TTC3: variants seen among roughly 807,000 people sequenced by gnomAD.
TTC3 encodes the protein tetratricopeptide repeat domain 3.
TTC3 carries 180 observed loss-of-function variants against 249.6 expected under a neutral mutation model. That is an observed-to-expected ratio of 0.72 (90% CI 0.64 to 0.82). The LOEUF (loss-of-function observed/expected upper bound fraction) is 0.82, where lower values mean the gene tolerates loss of function less well. Among genes scored for constraint, TTC3 ranks in the 40% least tolerant of loss-of-function variants. TTC3 has a pLI of 0.00. For synonymous variants in TTC3, 717 were observed against 805.0 expected (o/e 0.89, Z 1.85); for missense variants, 2,061 against 2,398.4 (o/e 0.86, Z 2.94).
intron 19 of TTC3, 111 bp from the exon 20 acceptor site, chr21:37,140,450 G>A (rs186455481): frequency 2.3e-4 from 155 of 672,496 alleles, no homozygotes; most frequent in Non-Finnish European, 1.4e-4. Flanking sequence ...CAGGAATTTG[G>A]GGATATGCAG....
chr21:37,124,798 A>G, intron 14 of TTC3, 56 bp downstream of exon 14: 1 of 1,588,386 alleles, frequency 6.3e-7, no homozygotes, highest in Non-Finnish European at 8.6e-7. Flanking sequence ...TCATATTTTT[A>G]CAGTAATATT....
At chr21:37,142,449 C>T (rs1045830909) in intron 20 of TTC3, among the ~76,000 whole-genome samples, 12 of 152,156 alleles carry the variant, frequency 7.9e-5, no homozygotes, top group African/African-American at 2.9e-4. Context: ...CATTCTTATA[C>T]ACCAGTAACA....
chr21:37,106,101 C>T (rs913379416), intron 10 of TTC3, among the ~76,000 whole-genome samples: 2 of 152,106 alleles, frequency 1.3e-5, no homozygotes, highest in Non-Finnish European at 2.9e-5. Flanking sequence ...TTATTTTAGA[C>T]ATTCTGGTGG....
exon 42 of TTC3, chr21:37,195,689 A>T (rs773163197): frequency 1.2e-5 from 19 of 1,609,556 alleles, no homozygotes; most frequent in Non-Finnish European, 1.6e-5. Flanking sequence ...ATCCCGAGTT[A>T]CTCCCTGAGT....
intron 16 of TTC3, among the ~76,000 whole-genome samples, chr21:37,131,542 A>G (rs2077469975): frequency 6.6e-6 from 1 of 152,048 alleles, no homozygotes; most frequent in Admixed American, 6.6e-5. Flanking sequence ...TTTATAATAA[A>G]TTGGTAATAG....
chr21:37,197,744 T>C (rs773706480), intron 43 of TTC3, 48 bp downstream of exon 43: 9 of 1,487,198 alleles, frequency 6.1e-6, no homozygotes, highest in African/African-American at 5.1e-5. Flanking sequence ...TTATAAAATA[T>C]GAGAATTGTT....
Position 37,093,593 on chromosome 21 carries a change from A to G in TTC3, c.602-412A>G, listed in dbSNP as rs74727537. On this transcript the variant is annotated intron_variant, in intron 7 of 45. Transcript: ENST00000355666. ...GTTTTGCAGGTTTTTGTTTTCATGC[A>G]TTTTTATTGAATATTGTGCATGGTA... 4.3e-4 allele frequency among the ~76,000 whole-genome samples: 66 copies of G among 152,172 alleles called. No homozygotes were observed. In the East Asian group the frequency reaches 0.011, roughly 26 times the overall value.
chr21:37,134,076 G>C (rs1230514106), intron 17 of TTC3, among the ~76,000 whole-genome samples: 1 of 152,024 alleles, frequency 6.6e-6, no homozygotes, highest in Non-Finnish European at 1.5e-5. Flanking sequence ...GGCTGTCATC[G>C]AGCTTTTAAG....
intron 11 of TTC3, among the ~76,000 whole-genome samples, chr21:37,109,068 A>G (rs760505095): frequency 6.6e-6 from 1 of 152,128 alleles, no homozygotes; most frequent in African/African-American, 2.4e-5. Context: ...ATAAGAAACT[A>G]TTTCGGTAGG....
chr21:37,174,417 C>T (rs1373195127), intron 35 of TTC3, among the ~76,000 whole-genome samples: 1 of 152,144 alleles, frequency 6.6e-6, no homozygotes, highest in African/African-American at 2.4e-5. Context: ...GGTTGGTGTC[C>T]ACATAAGAGT....
At chr21:37,087,918 A>C in intron 3 of TTC3, 43 bp downstream of exon 3, 1 of 1,453,532 alleles carries the variant, frequency 6.9e-7, no homozygotes, top group South Asian at 1.2e-5. Flanking sequence ...TGGAAAGACT[A>C]CAAAGGGAGG....
chr21:37,088,165 A>C (rs760635625), intron 3 of TTC3, 31 bp from the exon 4 acceptor site: 3 of 1,497,848 alleles, frequency 2.0e-6, no homozygotes, highest in Non-Finnish European at 2.7e-6. Flanking sequence ...TGAGGCACAA[A>C]CATTAATTTT....
rs576379636 is a variant in TTC3 at position 37,106,900 on chromosome 21, A to C, written c.846-1492A>C. Among the ~76,000 whole-genome samples, 3 of 152,282 alleles carry C rather than the reference A, an allele frequency of 2.0e-5. No individual in the cohort carries two copies. In the Middle Eastern group the frequency reaches 0.01, roughly 518 times the overall value. Reference sequence around the variant, plus strand: ...CAGAGTGAGCCCTTGTTTCAAAAAAAAGAAAAAAGATCCATATGGATGTCC... The same window carrying C: ...CAGAGTGAGCCCTTGTTTCAAAAAACAGAAAAAAGATCCATATGGATGTCC... On this transcript the variant is annotated intron_variant, in intron 10 of 45. Transcript: ENST00000355666.
At chr21:37,190,768 A>G (rs930673852) in intron 39 of TTC3, among the ~76,000 whole-genome samples, 4 of 152,206 alleles carry the variant, frequency 2.6e-5, no homozygotes, top group African/African-American at 9.6e-5. Flanking sequence ...TTTCTTCAAT[A>G]TGTATAATGA....
At chr21:37,128,550 A>G (rs531160285) in intron 15 of TTC3, among the ~76,000 whole-genome samples, 1 of 152,300 alleles carries the variant, frequency 6.6e-6, no homozygotes, top group East Asian at 1.9e-4. Flanking sequence ...TATCCTCACT[A>G]ACATTTTTCT....
intron 38 of TTC3, 92 bp from the exon 39 acceptor site, chr21:37,188,403 G>A (rs2083556023): frequency 2.3e-6 from 2 of 868,372 alleles, no homozygotes; most frequent in Admixed American, 2.3e-5. Flanking sequence ...AGGAGAAATG[G>A]GAAAGTGGTT....
exon 46 of TTC3, chr21:37,201,515 C>A: frequency 1.2e-6 from 2 of 1,614,012 alleles, no homozygotes; most frequent in Non-Finnish European, 1.7e-6. Flanking sequence ...AGAAGAGTCA[C>A]CTTCTGGAAG....
chr21:37,153,304 TA>T, intron 27 of TTC3, 27 bp downstream of exon 27: 1 of 1,567,532 alleles, frequency 6.4e-7, no homozygotes, highest in Non-Finnish European at 8.6e-7. Flanking sequence ...TCCAGAGCAA[TA>T]AACTTTAATA....
At chr21:37,171,436 A>G (rs1210400934) in intron 34 of TTC3, among the ~76,000 whole-genome samples, 2 of 152,190 alleles carry the variant, frequency 1.3e-5, no homozygotes, top group Non-Finnish European at 2.9e-5. Flanking sequence ...TTAAAGGCAA[A>G]CATAATGTAT....
Sources: allele counts gnomAD v4.1 joint callset (sites outside exome capture counted in the v4.1 genomes callset), GRCh38; gene constraint gnomAD v4.1.1; transcripts MANE v1.5; gene names NCBI Gene and HGNC (gene_info 2026-07-23, HGNC 2026-07-21).